ALDH7A1: variants seen among roughly 807,000 people sequenced by gnomAD.
ALDH7A1 encodes the protein alpha-aminoadipic semialdehyde dehydrogenase.
ALDH7A1 carries 63 observed loss-of-function variants against 79.9 expected under a neutral mutation model. That is an observed-to-expected ratio of 0.79 (90% CI 0.64 to 0.97). The LOEUF (loss-of-function observed/expected upper bound fraction) is 0.97. Among genes scored for constraint, ALDH7A1 ranks in the 50% least tolerant of loss-of-function variants. ALDH7A1 has a pLI of 0.00. For missense variants in ALDH7A1, 627 were observed against 665.2 expected, an observed-to-expected ratio of 0.94 and a Z score of 0.63; for synonymous variants, 240 against 231.2, an observed-to-expected ratio of 1.04 and a Z score of -0.34.
chr5:126,560,036 A>G (rs1235362219), intron 10 of ALDH7A1, among the ~76,000 whole-genome samples: 2 of 151,964 alleles, frequency 1.3e-5, no homozygotes, highest in African/African-American at 4.8e-5. Context: ...GGCTCAAGCA[A>G]TCCTCCCACC....
chr5:126,584,797 C>A (rs184407835), intron 3 of ALDH7A1, among the ~76,000 whole-genome samples: 6 of 150,926 alleles, frequency 4.0e-5, no homozygotes, highest in African/African-American at 1.2e-4. Flanking sequence ...GATAACTTCC[C>A]GCTCTCTGGC....
intron 7 of ALDH7A1, among the ~76,000 whole-genome samples, chr5:126,573,845 C>T (rs1011025261): frequency 5.4e-5 from 8 of 149,020 alleles, no homozygotes; most frequent in East Asian, 2.0e-4. Context: ...CCAGCCTGGG[C>T]GACAGAGCAA....
intron 3 of ALDH7A1, among the ~76,000 whole-genome samples, chr5:126,589,865 C>T (rs371697210): frequency 3.2e-4 from 48 of 150,116 alleles, no homozygotes; most frequent in African/African-American, 1.1e-3. Flanking sequence ...AAGTAAGAAG[C>T]GCCTCTGCCC....
Position 126,544,942 on chromosome 5 carries a change from A to G in ALDH7A1, c.*23T>C. 6.3e-7 allele frequency: 1 copy of G among 1,585,444 alleles called. No homozygotes were observed. The highest frequency in any genetic ancestry group is 8.7e-7 in the Non-Finnish European group (1 of 1,154,300). On this transcript the variant is annotated 3_prime_UTR_variant, in exon 18 of 18. Transcript: ENST00000409134. The stretch of plus-strand genomic sequence containing the variant: ...ACAGCTGCTGGAACACCTCAAATTA[A>G]GGGATGTTCATCTAAAACACCTTTA...
At chr5:126,555,500 A>AG (rs1561652019) in intron 12 of ALDH7A1, 2 of 168,844 alleles carry the variant, frequency 1.2e-5, no homozygotes, top group Non-Finnish European at 2.6e-5. Context: ...AAAAAAAAAA[A>AG]AAAGAAAGGA....
At chr5:126,552,311 T>A (rs1320401922) in intron 13 of ALDH7A1, among the ~76,000 whole-genome samples, 174 bp from the exon 14 acceptor site, 1 of 152,226 alleles carries the variant, frequency 6.6e-6, no homozygotes, top group Non-Finnish European at 1.5e-5. Flanking sequence ...CTTCCTGATA[T>A]TGGTTCTAAC....
At chr5:126,552,672 C>A (rs1000529443) in intron 13 of ALDH7A1, among the ~76,000 whole-genome samples, 5 of 152,146 alleles carry the variant, frequency 3.3e-5, no homozygotes, top group Admixed American at 3.3e-4. Flanking sequence ...GCTGGGATTA[C>A]AGGTGTGAGT....
At chr5:126,546,054 C>T (rs867871852) in intron 17 of ALDH7A1, among the ~76,000 whole-genome samples, 3 of 152,142 alleles carry the variant, frequency 2.0e-5, no homozygotes, top group Non-Finnish European at 2.9e-5. Flanking sequence ...TCGAGACCAG[C>T]CTGACCAACA....
At chr5:126,584,089 G>C in intron 3 of ALDH7A1, 77 bp from the exon 4 acceptor site, 1 of 1,202,454 alleles carries the variant, frequency 8.3e-7, no homozygotes, top group Non-Finnish European at 1.2e-6. Context: ...GATGTGTGCT[G>C]TAAAAGAACA....
At chr5:126,577,009 TGAGGTAGTAGTATCTA>T (rs1457258104) in intron 6 of ALDH7A1, 54 bp downstream of exon 6, 1 of 1,597,794 alleles carries the variant, frequency 6.3e-7, no homozygotes, top group African/African-American at 1.3e-5. Context: ...CTGAAGAGGC[TGAGGTAGTAGTATCTA>T]GAAATGGCTA....
chr5:126,594,238 G>A (rs1158025265), intron 1 of ALDH7A1: 1 of 470,938 alleles, frequency 2.1e-6, no homozygotes, highest in Non-Finnish European at 4.4e-6. Context: ...GTACAACATG[G>A]CAAGATTTCG....
chr5:126,566,104 A>T (rs946428553), intron 9 of ALDH7A1, among the ~76,000 whole-genome samples: 24 of 152,232 alleles, frequency 1.6e-4, no homozygotes, highest in Admixed American at 1.6e-3. Context: ...TTAACTTGTC[A>T]GTTGTCACAA....
At chr5:126,546,257 G>A (rs1749782052) in intron 17 of ALDH7A1, 67 bp downstream of exon 17, 1 of 1,394,974 alleles carries the variant, frequency 7.2e-7, no homozygotes, top group East Asian at 2.3e-5. Flanking sequence ...ACAGACAGTA[G>A]GAAAGTGTAA....
intron 3 of ALDH7A1, among the ~76,000 whole-genome samples, chr5:126,584,789 T>A (rs13356526): frequency 0.044 from 6,549 of 150,534 alleles, 464 homozygotes; most frequent in African/African-American, 0.15. Context: ...GAACTCAGGA[T>A]AACTTCCCGC....
At chr5:126,571,981 T>C (rs2112787133) in intron 7 of ALDH7A1, among the ~76,000 whole-genome samples, 1 of 152,336 alleles carries the variant, frequency 6.6e-6, no homozygotes. Flanking sequence ...AGCAGAGTTT[T>C]TTCTCTTGTT....
intron 8 of ALDH7A1, chr5:126,569,241 C>T (rs973951476): frequency 6.6e-6 from 1 of 152,246 alleles, no homozygotes; most frequent in African/African-American, 2.4e-5. Context: ...CTGAGTGGAA[C>T]AATTTCAGCC....
intron 5 of ALDH7A1, among the ~76,000 whole-genome samples, chr5:126,579,893 C>G (rs556049825): frequency 6.6e-6 from 1 of 152,068 alleles, no homozygotes; most frequent in Non-Finnish European, 1.5e-5. Flanking sequence ...CCAGGAGGTC[C>G]AAGCTGCAAG....
chr5:126,569,555 A>G (rs1427639087), intron 8 of ALDH7A1: 2 of 152,220 alleles, frequency 1.3e-5, no homozygotes, highest in Admixed American at 6.5e-5. Flanking sequence ...CAGTCTTCCA[A>G]GGTTCAACTC....
intron 14 of ALDH7A1, among the ~76,000 whole-genome samples, chr5:126,551,525 G>A (rs1046922203): frequency 1.3e-5 from 2 of 152,072 alleles, no homozygotes; most frequent in Non-Finnish European, 2.9e-5. Context: ...GTTTCACCAT[G>A]TTGGCCAGGC....
Sources: allele counts gnomAD v4.1 joint callset (sites outside exome capture counted in the v4.1 genomes callset), GRCh38; gene constraint gnomAD v4.1.1; transcripts MANE v1.5; gene names NCBI Gene and HGNC (gene_info 2026-07-23, HGNC 2026-07-21).